CPNE8: variants seen among roughly 807,000 people sequenced by gnomAD.
CPNE8 encodes copine-8.
A neutral mutation model predicts 81.5 loss-of-function variants in CPNE8; 45 were observed. The observed-to-expected ratio is 0.55, with a 90% CI of 0.44 to 0.71. CPNE8 has a LOEUF of 0.71. Among genes scored for constraint, CPNE8 ranks in the 30% least tolerant of loss-of-function variants. The pLI, the probability that CPNE8 is intolerant of heterozygous loss-of-function variation, is 0.00. For missense variants in CPNE8, 594 were observed against 672.1 expected (o/e 0.88, Z 1.28); for synonymous variants, 252 against 226.3 (o/e 1.11, Z -1.02).
At chr12:38,763,434 C>T (rs1178964521) in intron 8 of CPNE8, among the ~76,000 whole-genome samples, 1 of 152,114 alleles carries the variant, frequency 6.6e-6, no homozygotes, top group African/African-American at 2.4e-5. Flanking sequence ...AGTAGAATTC[C>T]TCGGGAGCCC....
At chr12:38,892,216 G>A (rs575310310) in intron 1 of CPNE8, among the ~76,000 whole-genome samples, 1 of 152,304 alleles carries the variant, frequency 6.6e-6, no homozygotes, top group South Asian at 2.1e-4. Flanking sequence ...AGTCCACTTT[G>A]GCTGGTGCCC....
intron 7 of CPNE8, among the ~76,000 whole-genome samples, chr12:38,774,145 G>A (rs1941869099): frequency 6.6e-6 from 1 of 152,056 alleles, no homozygotes; most frequent in Non-Finnish European, 1.5e-5. Flanking sequence ...CAAGAGAGTA[G>A]AACTGAAAGT....
intron 16 of CPNE8, among the ~76,000 whole-genome samples, chr12:38,678,379 A>T (rs1565564255): frequency 6.6e-6 from 1 of 151,970 alleles, no homozygotes; most frequent in Non-Finnish European, 1.5e-5. Context: ...TACATTCTAG[A>T]TATCTAGATT....
At chr12:38,682,018 G>T (rs1939418864) in intron 16 of CPNE8, among the ~76,000 whole-genome samples, 2 of 150,796 alleles carry the variant, frequency 1.3e-5, no homozygotes, top group South Asian at 4.2e-4. Flanking sequence ...CCAGGAGTTG[G>T]AGACCAGCCT....
chr12:38,705,827 C>G (rs895527203), intron 13 of CPNE8, among the ~76,000 whole-genome samples: 2 of 151,644 alleles, frequency 1.3e-5, no homozygotes, highest in African/African-American at 4.9e-5. Flanking sequence ...AGGGCAGGTA[C>G]CTGGCAGATA....
intron 1 of CPNE8, among the ~76,000 whole-genome samples, chr12:38,886,922 G>T (rs1455123449): frequency 6.6e-6 from 1 of 152,060 alleles, no homozygotes; most frequent in Admixed American, 6.6e-5. Context: ...TGCCCACAGA[G>T]CAAAAAAGTT....
At chr12:38,887,858 A>G (rs1592157179) in intron 1 of CPNE8, among the ~76,000 whole-genome samples, 1 of 152,316 alleles carries the variant, frequency 6.6e-6, no homozygotes, top group Non-Finnish European at 1.5e-5. Context: ...ACTTGAGATT[A>G]TATATCATTA....
At chr12:38,839,230 C>CT (rs1174365302) in intron 5 of CPNE8, among the ~76,000 whole-genome samples, 1 of 152,086 alleles carries the variant, frequency 6.6e-6, no homozygotes, top group Non-Finnish European at 1.5e-5. Context: ...CACAATGTTT[C>CT]GCTGGAGTAT....
chr12:38,672,848 C>T (rs1939205912), intron 18 of CPNE8, among the ~76,000 whole-genome samples: 1 of 152,100 alleles, frequency 6.6e-6, no homozygotes, highest in Non-Finnish European at 1.5e-5. Context: ...CTTCAAAGGA[C>T]AGATGGCAAC....
intron 6 of CPNE8, among the ~76,000 whole-genome samples, chr12:38,787,556 A>G (rs1245244373): frequency 6.6e-6 from 1 of 151,820 alleles, no homozygotes; most frequent in Admixed American, 6.6e-5. Flanking sequence ...GAAAAGCAAG[A>G]GCAAATCAAA....
intron 3 of CPNE8, among the ~76,000 whole-genome samples, chr12:38,858,488 A>T (rs1317545482): frequency 6.6e-6 from 1 of 152,248 alleles, no homozygotes; most frequent in East Asian, 1.9e-4. Flanking sequence ...CTGCAGTCAT[A>T]TTTATACTCA....
chr12:38,765,683 C>T lies in CPNE8; in HGVS notation c.575+1952G>A, dbSNP rs190541746. On this transcript the variant is annotated intron_variant, in intron 8 of 19. Transcript: ENST00000331366. ...CAAAGCCTATGTGTGCGTACACATACATAAAATATCTGGATCGAGCTGGCA... is the reference window on the plus strand; with the variant it reads ...CAAAGCCTATGTGTGCGTACACATATATAAAATATCTGGATCGAGCTGGCA... Among the ~76,000 whole-genome samples, 334 of 152,222 alleles carry T rather than the reference C, an allele frequency of 2.2e-3. 1 individual carries two copies. The highest frequency in any genetic ancestry group is 7.6e-3 in the African/African-American group (317 of 41,538).
At chr12:38,666,496 A>G (rs1939058808) in intron 19 of CPNE8, among the ~76,000 whole-genome samples, 1 of 152,116 alleles carries the variant, frequency 6.6e-6, no homozygotes, top group South Asian at 2.1e-4. Context: ...AGGTGCGGCG[A>G]GTGAGGTCTT....
intron 7 of CPNE8, among the ~76,000 whole-genome samples, chr12:38,769,848 T>G (rs987901344): frequency 6.6e-6 from 1 of 152,128 alleles, no homozygotes; most frequent in Non-Finnish European, 1.5e-5. Context: ...GCTTGCAAAA[T>G]GAATAACTGA....
intron 6 of CPNE8, among the ~76,000 whole-genome samples, chr12:38,813,873 T>C (rs1034602831): frequency 4.1e-4 from 62 of 151,244 alleles, no homozygotes; most frequent in African/African-American, 1.4e-3. Context: ...GAAGAGGAGA[T>C]TCAAGGAAGA....
chr12:38,866,288 C>T (rs1943912486), intron 3 of CPNE8, among the ~76,000 whole-genome samples: 1 of 152,126 alleles, frequency 6.6e-6, no homozygotes. Flanking sequence ...CCAATATCTA[C>T]TAAAGAAATA....
chr12:38,702,193 A>G lies in CPNE8; in HGVS notation c.961+682T>C, dbSNP rs138394336. On this transcript the variant is annotated intron_variant, in intron 14 of 19. Coordinates refer to ENST00000331366, the MANE Select transcript of CPNE8 (RefSeq NM_153634.3). ...AGTGGCAACTTCTGGTAAAAGTTAC[A>G]TAATGAAGTTAACATTCTGATGATA... Among the ~76,000 whole-genome samples the G allele has an allele frequency of 1.9e-3, 297 of 152,364 alleles. 2 individuals are homozygous for G. Among genetic ancestry groups the G allele is most frequent in the African/African-American group, 6.9e-3 (286 of 41,600 alleles).
intron 10 of CPNE8, among the ~76,000 whole-genome samples, chr12:38,757,022 G>A (rs1420787166): frequency 1.3e-5 from 2 of 151,970 alleles, no homozygotes; most frequent in East Asian, 3.8e-4. Flanking sequence ...TAATCTCACT[G>A]GTTTATTTTT....
intron 6 of CPNE8, among the ~76,000 whole-genome samples, chr12:38,776,731 A>G (rs75714570): frequency 0.013 from 1,975 of 152,210 alleles, 48 homozygotes; most frequent in African/African-American, 0.044. Context: ...GTTATGCATC[A>G]TCTAATTATG....
Sources: gnomAD v4.1 joint callset for allele counts (sites outside exome capture counted in the v4.1 genomes callset) on GRCh38, gnomAD v4.1.1 for gene constraint, MANE v1.5 for transcripts, NCBI Gene and HGNC (gene_info 2026-07-23, HGNC 2026-07-21) for gene names.